The following RBFOX2 variants were observed in gnomAD, a reference collection of about 807,000 sequenced individuals.
RBFOX2 encodes RNA binding protein fox-1 homolog 2.
Under a neutral mutation model 49.1 loss-of-function variants are expected in RBFOX2, and 10 were observed. That is an observed-to-expected ratio of 0.20 (90% CI 0.13 to 0.35). The LOEUF is 0.35. Among genes scored for constraint, RBFOX2 ranks in the 10% least tolerant of loss-of-function variants. The pLI is 1.00. For synonymous variants in RBFOX2, 183 were observed against 187.4 expected, an observed-to-expected ratio of 0.98 and a Z score of 0.19; for missense variants, 323 against 486.9, an observed-to-expected ratio of 0.66 and a Z score of 3.17.
intron 1 of RBFOX2, among the ~76,000 whole-genome samples, chr22:35,838,896 T>C (rs1414793699): frequency 6.6e-6 from 1 of 152,222 alleles, no homozygotes; most frequent in Admixed American, 6.5e-5. Flanking sequence ...TGGGAAAATA[T>C]CCCTACAGGT....
At chr22:35,836,688 G>A (rs1419533702) in intron 1 of RBFOX2, among the ~76,000 whole-genome samples, 1 of 152,230 alleles carries the variant, frequency 6.6e-6, no homozygotes, top group Non-Finnish European at 1.5e-5. Context: ...GAAACTGGCA[G>A]TCTTATACCA....
chr22:35,881,445 G>A (rs2045883304), intron 1 of RBFOX2, among the ~76,000 whole-genome samples: 1 of 151,838 alleles, frequency 6.6e-6, no homozygotes, highest in Non-Finnish European at 1.5e-5. Context: ...AAAAATGGTG[G>A]CACACATCTG....
intron 1 of RBFOX2, among the ~76,000 whole-genome samples, chr22:35,925,421 T>C (rs2051509352): frequency 6.6e-6 from 1 of 152,094 alleles, no homozygotes; most frequent in African/African-American, 2.4e-5. Flanking sequence ...TTCCAGCTAC[T>C]TGGGAGGCTG....
At chr22:35,831,853 A>G (rs1956863118) in intron 1 of RBFOX2, among the ~76,000 whole-genome samples, 1 of 152,228 alleles carries the variant, frequency 6.6e-6, no homozygotes, top group Admixed American at 6.5e-5. Context: ...ATTTCATAAA[A>G]TAATTATTGA....
At chr22:35,991,548 A>T (rs1343211335) in intron 1 of RBFOX2, among the ~76,000 whole-genome samples, 4 of 152,218 alleles carry the variant, frequency 2.6e-5, no homozygotes, top group Admixed American at 2.6e-4. Context: ...GGTTTAAGTG[A>T]GCTTTTAGGA....
At chr22:35,743,426 G>C (rs1389595874) in exon 12 of RBFOX2, 1 of 152,186 alleles carries the variant, frequency 6.6e-6, no homozygotes, top group African/African-American at 2.4e-5. Context: ...AAAAAGAAAT[G>C]ATCTTTTTCA....
At chr22:35,775,352 CTT>C (rs1943619331) in intron 4 of RBFOX2, among the ~76,000 whole-genome samples, 1 of 152,182 alleles carries the variant, frequency 6.6e-6, no homozygotes, top group Non-Finnish European at 1.5e-5. Flanking sequence ...GAATTCTATG[CTT>C]TGTTTTTAAA....
intron 1 of RBFOX2, among the ~76,000 whole-genome samples, chr22:36,014,753 A>C (rs780098288): frequency 6.6e-6 from 1 of 152,238 alleles, no homozygotes; most frequent in Non-Finnish European, 1.5e-5. Context: ...GCATAAAAGA[A>C]AATTGCGCAT....
intron 1 of RBFOX2, among the ~76,000 whole-genome samples, chr22:35,867,268 T>C (rs946556099): frequency 6.6e-6 from 1 of 152,196 alleles, no homozygotes; most frequent in Non-Finnish European, 1.5e-5. Context: ...CTTGAAACAT[T>C]TGCATGAATC....
chr22:36,016,569 C>G (rs1221111723), intron 1 of RBFOX2, among the ~76,000 whole-genome samples: 1 of 152,142 alleles, frequency 6.6e-6, no homozygotes, highest in Non-Finnish European at 1.5e-5. Flanking sequence ...TCTTCAACAA[C>G]GGAGAAACCA....
At chr22:36,011,632 C>T (rs1029248090) in intron 1 of RBFOX2, among the ~76,000 whole-genome samples, 12 of 152,038 alleles carry the variant, frequency 7.9e-5, no homozygotes, top group Non-Finnish European at 1.5e-5. Context: ...ACCCAGATAA[C>T]TAACAATACT....
intron 1 of RBFOX2, among the ~76,000 whole-genome samples, chr22:35,967,170 T>A (rs1299064833): frequency 6.6e-6 from 1 of 152,190 alleles, no homozygotes; most frequent in Non-Finnish European, 1.5e-5. Context: ...AATTCCTAAG[T>A]TTGATGTAGT....
At position 35,794,883 on chromosome 22, in the gene RBFOX2, T is replaced by C. The variant is rs1490715701; in HGVS notation, c.253-13137A>G. ...TAGCAATTTTTTAGTTTAGTTTCCC[T>C]TGGGCATTAGGAGTAAGTAGGTAAG... On this transcript the variant is annotated intron_variant, in intron 2 of 11. Coordinates refer to ENST00000405409, the Ensembl canonical transcript of RBFOX2. 4.6e-5 allele frequency among the ~76,000 whole-genome samples: 7 copies of C among 152,308 alleles called. 1 individual carries two copies. The highest frequency in any genetic ancestry group is 1.7e-4 in the African/African-American group (7 of 41,564).
intron 1 of RBFOX2, among the ~76,000 whole-genome samples, chr22:35,985,283 A>T (rs2057653912): frequency 6.6e-6 from 1 of 152,278 alleles, no homozygotes. Flanking sequence ...AGAGACACAA[A>T]CCCTAAGTTG....
intron 1 of RBFOX2, among the ~76,000 whole-genome samples, chr22:35,979,721 G>A (rs1367989120): frequency 6.6e-6 from 1 of 152,078 alleles, no homozygotes; most frequent in Non-Finnish European, 1.5e-5. Flanking sequence ...AAGAATCAAT[G>A]GAGAAAAAAT....
At chr22:36,026,940 T>C (rs149049801) in intron 1 of RBFOX2, among the ~76,000 whole-genome samples, 2 of 152,226 alleles carry the variant, frequency 1.3e-5, no homozygotes, top group African/African-American at 2.4e-5. Context: ...AGGAAGTCTT[T>C]TAGCACTGCA....
At chr22:36,004,405 C>T (rs2058545356) in intron 1 of RBFOX2, among the ~76,000 whole-genome samples, 1 of 152,144 alleles carries the variant, frequency 6.6e-6, no homozygotes, top group South Asian at 2.1e-4. Flanking sequence ...TCTCCCACGC[C>T]CTTATTCTAC....
chr22:35,788,416 C>T (rs191839468), intron 2 of RBFOX2, among the ~76,000 whole-genome samples: 2 of 152,090 alleles, frequency 1.3e-5, no homozygotes, highest in Admixed American at 1.3e-4. Context: ...CAATAGAAGT[C>T]TTCATTTCTT....
intron 1 of RBFOX2, among the ~76,000 whole-genome samples, chr22:35,953,554 G>A (rs2055204581): frequency 6.6e-6 from 1 of 152,306 alleles, no homozygotes; most frequent in South Asian, 2.1e-4. Flanking sequence ...TCCATTGAGG[G>A]TGATGTAAAA....
Sources: gnomAD v4.1 joint callset for allele counts (sites outside exome capture counted in the v4.1 genomes callset) on GRCh38, gnomAD v4.1.1 for gene constraint, MANE v1.5 for transcripts, NCBI Gene and HGNC (gene_info 2026-07-23, HGNC 2026-07-21) for gene names.